Variants in CYP4Z1 observed in about 807,000 individuals in gnomAD.
CYP4Z1 encodes cytochrome P450 4Z1.
CYP4Z1 carries 41 observed loss-of-function variants against 54.2 expected under a neutral mutation model. That is an observed-to-expected ratio of 0.76 (90% CI 0.59 to 0.98). The LOEUF is 0.98. Among genes scored for constraint, CYP4Z1 ranks in the 50% least tolerant of loss-of-function variants. The pLI, the probability that CYP4Z1 is intolerant of heterozygous loss-of-function variation, is 0.00. For synonymous variants in CYP4Z1, 163 were observed against 206.2 expected, an observed-to-expected ratio of 0.79 and a Z score of 1.79; for missense variants, 513 against 599.0, an observed-to-expected ratio of 0.86 and a Z score of 1.50.
intron 10 of CYP4Z1, among the ~76,000 whole-genome samples, chr1:47,116,440 A>T (rs1170677238): frequency 1.3e-5 from 2 of 152,166 alleles, no homozygotes; most frequent in African/African-American, 4.8e-5. Flanking sequence ...TCACTAGGTT[A>T]TATAGCCTCT....
rs1048245972 is a variant in CYP4Z1 at position 47,089,054 on chromosome 1, G to T, written c.772+4076G>T. 2.7e-5 allele frequency among the ~76,000 whole-genome samples: 4 copies of T among 149,254 alleles called. 1 individual carries two copies. The highest frequency in any genetic ancestry group is 5.9e-5 in the Non-Finnish European group (4 of 67,726). On this transcript the variant is annotated intron_variant, in intron 6 of 11. Transcript: ENST00000334194. ...TAGAATATTTGGATTTCAACATGCC[G>T]TGTAACTATTTGTTTTCTATTTAAC...
At chr1:47,097,927 T>C (rs1437981970) in intron 7 of CYP4Z1, among the ~76,000 whole-genome samples, 2 of 151,474 alleles carry the variant, frequency 1.3e-5, no homozygotes, top group Admixed American at 6.6e-5. Flanking sequence ...GTGATTCTCA[T>C]GTCTCAGTCT....
Position 47,082,357 on chromosome 1 carries a change from G to A in CYP4Z1, c.388G>A (p.Gly130Ser), listed in dbSNP as rs540867697. ...WVGRGLVTLDGSKWKKHRQIV... is the reference protein window; with the variant it reads ...WVGRGLVTLDSSKWKKHRQIV... ...AGGTCGAGGACTTGTGACCCTGGAT[G>A]GTTCTAAATGGAAAAAGCACCGCCA... Residue 130 changes from glycine to serine, a missense_variant, in exon 4 of 12, where the codon GGT becomes AGT. Physicochemically the swap from Gly to Ser is moderately conservative, Grantham distance 56 (BLOSUM62 0). Transcript: ENST00000334194. 1 of 1,610,662 alleles carries A rather than the reference G, an allele frequency of 6.2e-7. No individual in the cohort carries two copies. Among genetic ancestry groups the A allele is most frequent in the South Asian group, 1.1e-5 (1 of 90,276 alleles).
chr1:47,102,167 T>C (rs1644726305), intron 8 of CYP4Z1, among the ~76,000 whole-genome samples: 1 of 152,230 alleles, frequency 6.6e-6, no homozygotes, highest in Non-Finnish European at 1.5e-5. Flanking sequence ...GCTTCTTGTA[T>C]ACAGCATATA....
intron 9 of CYP4Z1, 114 bp from the exon 10 acceptor site, chr1:47,115,415 G>C: frequency 3.4e-6 from 3 of 879,136 alleles, no homozygotes; most frequent in Non-Finnish European, 5.3e-6. Flanking sequence ...CCTTCATGTT[G>C]TGCATATGTA....
chr1:47,086,840 A>G lies in CYP4Z1; in HGVS notation c.772+1862A>G, dbSNP rs952664754. Among the ~76,000 whole-genome samples the G allele has an allele frequency of 2.4e-4, 36 of 152,202 alleles. No homozygotes were observed. In the East Asian group the frequency reaches 4.4e-3, roughly 19 times the overall value. ...TTATGGTTTTATGTCTAACATTTAA[A>G]TCTTTAATCCATCTTGAATTAATTT... On this transcript the variant is annotated intron_variant, in intron 6 of 11. Transcript: ENST00000334194.
At chr1:47,096,192 AG>A (rs1175931492) in intron 7 of CYP4Z1, among the ~76,000 whole-genome samples, 1 of 152,186 alleles carries the variant, frequency 6.6e-6, no homozygotes, top group East Asian at 1.9e-4. Context: ...CAGAGGCAGG[AG>A]GATCACTTAA....
At chr1:47,088,379 T>C (rs577316235) in intron 6 of CYP4Z1, among the ~76,000 whole-genome samples, 34 of 152,312 alleles carry the variant, frequency 2.2e-4, no homozygotes, top group African/African-American at 2.9e-4. Flanking sequence ...CAGAGCCTGT[T>C]ATTGGTCTAT....
rs750416622 is a variant in CYP4Z1 at position 47,082,405 on chromosome 1, A to G, written c.436A>G (p.Ile146Val). The G allele has an allele frequency of 2.5e-6, 4 of 1,613,648 alleles. No homozygotes were observed. The highest frequency in any genetic ancestry group is 1.1e-5 in the South Asian group (1 of 90,992). Residue 146 changes from isoleucine (I) to valine (V), a missense_variant, in exon 4 of 12, where the codon ATC becomes GTC. Ile to Val is a conservative substitution (Grantham distance 29). Coordinates refer to ENST00000334194, the MANE Select transcript of CYP4Z1 (RefSeq NM_178134.3). ...CCAGATTGTGAAACCTGGCTTCAAC[A>G]TCAGCATTCTGAAAATATTCATCAC... is the stretch of plus-strand genomic sequence containing the variant. Reference protein sequence around the residue: ...HRQIVKPGFNISILKIFITMM... With the variant: ...HRQIVKPGFNVSILKIFITMM...
intron 6 of CYP4Z1, among the ~76,000 whole-genome samples, chr1:47,093,301 G>C (rs1644653034): frequency 6.6e-6 from 1 of 151,290 alleles, no homozygotes; most frequent in African/African-American, 2.4e-5. Flanking sequence ...CCTGGTTCTT[G>C]GGTCCCAGCA....
chr1:47,085,252 T>C (rs1290721474), intron 6 of CYP4Z1, among the ~76,000 whole-genome samples: 1 of 152,160 alleles, frequency 6.6e-6, no homozygotes, highest in Admixed American at 6.5e-5. Flanking sequence ...ATGGAGCAGC[T>C]TCAGATGTGA....
chr1:47,106,194 G>A lies in CYP4Z1; in HGVS notation c.1134G>A (p.Pro378=), dbSNP rs187304762. ...AGGAATGCCTCCGCCTCTACGCACC[G>A]GTAGTAAACATATCCCGGTTACTCG... ...CIKECLRLYA[P]VVNISRLLDK... is the part of the protein sequence containing the mutation. The change falls in exon 9 of 12, where the codon CCG becomes CCA. Residue 378 remains proline, a synonymous_variant. Transcript: ENST00000334194. 46 of 1,613,900 alleles carry A rather than the reference G, an allele frequency of 2.9e-5. No individual in the cohort carries two copies. The highest frequency in any genetic ancestry group is 2.3e-4 in the African/African-American group (17 of 74,978).
At chr1:47,055,661 T>C in the CYP4Z1 span, among the ~76,000 whole-genome samples, 21 of 152,240 alleles carry the variant, frequency 1.4e-4, no homozygotes, top group Non-Finnish European at 2.8e-4. Context: ...GGTGTATGTG[T>C]CGAGGAATTT....
upstream of CYP4Z1, among the ~76,000 whole-genome samples, chr1:47,065,017 C>T (rs371950704): frequency 1.3e-5 from 2 of 152,142 alleles, no homozygotes; most frequent in East Asian, 3.9e-4. Context: ...TATATATGCA[C>T]CTAACACTGA....
Position 47,115,556 on chromosome 1 carries a change from C to A in CYP4Z1, c.1229C>A (p.Ala410Asp), listed in dbSNP as rs370572165. 91 of 1,613,478 alleles carry A rather than the reference C, an allele frequency of 5.6e-5. No homozygotes were observed. In the Middle Eastern group the frequency reaches 1.5e-3, roughly 26 times the overall value. ...AGITVFINIW[A>D]LHHNPYFWED... The stretch of plus-strand genomic sequence containing the variant: ...ATAACTGTGTTTATCAATATTTGGG[C>A]TCTTCACCACAACCCCTATTTCTGG... Residue 410 changes from alanine to aspartate, a missense_variant, in exon 10 of 12, where the codon GCT becomes GAT. Physicochemically the swap from Ala to Asp is moderately radical, Grantham distance 126. Transcript: ENST00000334194.
chr1:47,117,207 T>C (rs1644836534), intron 11 of CYP4Z1, among the ~76,000 whole-genome samples: 1 of 152,152 alleles, frequency 6.6e-6, no homozygotes, highest in Non-Finnish European at 1.5e-5. Flanking sequence ...GCCTAAGGCT[T>C]CAACTGCACA....
At chr1:47,094,418 G>T in intron 6 of CYP4Z1, 148 bp from the exon 7 acceptor site, 1 of 548,064 alleles carries the variant, frequency 1.8e-6, no homozygotes, top group South Asian at 2.6e-5. Flanking sequence ...AAGACAGCTA[G>T]TGGTACTGTC....
intron 11 of CYP4Z1, 86 bp downstream of exon 11, chr1:47,116,818 C>G (rs1644833751): frequency 2.1e-6 from 2 of 933,432 alleles, no homozygotes; most frequent in Non-Finnish European, 3.3e-6. Flanking sequence ...CCTCAGTTAG[C>G]TGACACTGCT....
chr1:47,101,050 G>A (rs1644718033), intron 8 of CYP4Z1, among the ~76,000 whole-genome samples: 1 of 152,164 alleles, frequency 6.6e-6, no homozygotes, highest in African/African-American at 2.4e-5. Context: ...GTGTGCAGTT[G>A]TTCATAATAG....
Sources: allele counts gnomAD v4.1 joint callset (sites outside exome capture counted in the v4.1 genomes callset), GRCh38; gene constraint gnomAD v4.1.1; transcripts MANE v1.5; gene names NCBI Gene and HGNC (gene_info 2026-07-23, HGNC 2026-07-21).